The following LYPLAL1 variants were observed in gnomAD, a reference collection of about 807,000 sequenced individuals.
LYPLAL1 encodes the protein lysophospholipase-like protein 1.
LYPLAL1 carries 23 observed loss-of-function variants against 19.7 expected under a neutral mutation model. That is an observed-to-expected ratio of 1.17 (90% CI 0.84 to 1.65). LYPLAL1 has a LOEUF of 1.65. Ranked by LOEUF, LYPLAL1 falls within the 40% of genes most tolerant of loss-of-function variation. LYPLAL1 has a pLI of 0.00. For synonymous variants in LYPLAL1, 119 were observed against 96.3 expected (o/e 1.24, Z -1.38); for missense variants, 355 against 279.4 (o/e 1.27, Z -1.93).
the LYPLAL1 span, among the ~76,000 whole-genome samples, chr1:219,417,493 A>G: frequency 6.6e-6 from 1 of 152,226 alleles, no homozygotes; most frequent in South Asian, 2.1e-4. Context: ...CCTGTGTAAC[A>G]TTCTGTAAAA....
At chr1:219,275,508 C>A in the LYPLAL1 span, among the ~76,000 whole-genome samples, 1 of 152,126 alleles carries the variant, frequency 6.6e-6, no homozygotes, top group Non-Finnish European at 1.5e-5. Context: ...TTCTTCTCAT[C>A]AAATTTTAAG....
At chr1:219,314,569 C>T in the LYPLAL1 span, among the ~76,000 whole-genome samples, 1,040 of 152,250 alleles carry the variant, frequency 6.8e-3, 22 homozygotes, top group East Asian at 0.079. Context: ...CTCAGCCTCC[C>T]TAATAGCTGG....
the LYPLAL1 span, among the ~76,000 whole-genome samples, chr1:219,324,135 A>G: frequency 2.0e-5 from 3 of 152,204 alleles, no homozygotes; most frequent in Non-Finnish European, 4.4e-5. Context: ...CTACAAGAAA[A>G]CAGAATGTGA....
At chr1:219,388,112 A>G in the LYPLAL1 span, among the ~76,000 whole-genome samples, 1 of 152,170 alleles carries the variant, frequency 6.6e-6, no homozygotes, top group East Asian at 1.9e-4. Flanking sequence ...TATGAGCTCC[A>G]TATCATGTCT....
the LYPLAL1 span, among the ~76,000 whole-genome samples, chr1:219,384,929 A>G: frequency 6.6e-6 from 1 of 152,316 alleles, no homozygotes; most frequent in East Asian, 1.9e-4. Context: ...ACTGCGTAGT[A>G]ATTCTCTACT....
chr1:219,243,884 A>T, the LYPLAL1 span, among the ~76,000 whole-genome samples: 1 of 147,968 alleles, frequency 6.8e-6, no homozygotes, highest in Non-Finnish European at 1.5e-5. Flanking sequence ...GCACCACTGC[A>T]CTCCAGCCTG....
At chr1:219,175,688 A>G (rs1376832684) in intron 1 of LYPLAL1, among the ~76,000 whole-genome samples, 1 of 152,176 alleles carries the variant, frequency 6.6e-6, no homozygotes, top group Non-Finnish European at 1.5e-5. Flanking sequence ...TGATTCCTAT[A>G]TATTTAAATC....
At chr1:219,389,186 T>C in the LYPLAL1 span, among the ~76,000 whole-genome samples, 1 of 152,170 alleles carries the variant, frequency 6.6e-6, no homozygotes, top group Non-Finnish European at 1.5e-5. Context: ...ATGCAGGAAA[T>C]ATGTAAAGGT....
At chr1:219,176,688 T>A (rs2125015259) in intron 1 of LYPLAL1, among the ~76,000 whole-genome samples, 1 of 152,316 alleles carries the variant, frequency 6.6e-6, no homozygotes, top group Middle Eastern at 3.4e-3. Flanking sequence ...CTCCCTAGGC[T>A]AATCACAGAA....
chr1:219,316,137 A>T, the LYPLAL1 span, among the ~76,000 whole-genome samples: 1 of 152,150 alleles, frequency 6.6e-6, no homozygotes, highest in Admixed American at 6.5e-5. Flanking sequence ...CAAAATTAAG[A>T]TCATGGTGTT....
chr1:219,285,547 C>T, the LYPLAL1 span, among the ~76,000 whole-genome samples: 5 of 152,144 alleles, frequency 3.3e-5, no homozygotes, highest in Admixed American at 6.5e-5. Context: ...AAAAAGGAAT[C>T]GAGTACTGAC....
chr1:219,311,394 G>A, the LYPLAL1 span, among the ~76,000 whole-genome samples: 1 of 152,180 alleles, frequency 6.6e-6, no homozygotes, highest in Non-Finnish European at 1.5e-5. Context: ...TTTGTCAGCA[G>A]TATGAACATA....
At chr1:219,191,770 C>T (rs1657201997) in intron 2 of LYPLAL1, among the ~76,000 whole-genome samples, 4 of 151,388 alleles carry the variant, frequency 2.6e-5, no homozygotes. Context: ...TTTTATGTAT[C>T]TGCATAAACT....
the LYPLAL1 span, among the ~76,000 whole-genome samples, chr1:219,238,053 C>A: frequency 6.6e-6 from 1 of 151,860 alleles, no homozygotes; most frequent in African/African-American, 2.4e-5. Flanking sequence ...TATGTCTCAG[C>A]CTTAGTTTCC....
chr1:219,202,329 C>G (rs1281180543), intron 3 of LYPLAL1, among the ~76,000 whole-genome samples: 2 of 152,188 alleles, frequency 1.3e-5, no homozygotes, highest in African/African-American at 4.8e-5. Flanking sequence ...ACCTGGATAG[C>G]AAAAGGCCAC....
At chr1:219,403,960 T>A in the LYPLAL1 span, among the ~76,000 whole-genome samples, 1 of 152,150 alleles carries the variant, frequency 6.6e-6, no homozygotes, top group East Asian at 1.9e-4. Context: ...GTTCTAAGGA[T>A]AGAAGTTCAA....
At chr1:219,314,590 G>A in the LYPLAL1 span, among the ~76,000 whole-genome samples, 66 of 152,148 alleles carry the variant, frequency 4.3e-4, no homozygotes, top group Admixed American at 9.8e-4. Context: ...GCCTACAGGC[G>A]ACCACCACCG....
At chr1:219,367,659 C>T in the LYPLAL1 span, among the ~76,000 whole-genome samples, 4 of 152,088 alleles carry the variant, frequency 2.6e-5, no homozygotes, top group Non-Finnish European at 5.9e-5. Flanking sequence ...CTTTGTAGCC[C>T]GTGAACAAGC....
chr1:219,429,421 G>T, the LYPLAL1 span, among the ~76,000 whole-genome samples: 1 of 152,194 alleles, frequency 6.6e-6, no homozygotes, highest in Non-Finnish European at 1.5e-5. Context: ...TCTTTGGGAG[G>T]CAGAGGCAGG....
Sources: allele counts gnomAD v4.1 joint callset (sites outside exome capture counted in the v4.1 genomes callset), GRCh38; gene constraint gnomAD v4.1.1; transcripts MANE v1.5; gene names NCBI Gene and HGNC (gene_info 2026-07-23, HGNC 2026-07-21).